SLC39A11: variants seen among roughly 807,000 people sequenced by gnomAD.
SLC39A11 encodes solute carrier family 39 member 11, also known as zinc transporter ZIP11.
Under a neutral mutation model 36.1 loss-of-function variants are expected in SLC39A11, and 33 were observed. The observed-to-expected ratio is 0.91, with a 90% CI of 0.69 to 1.22. The LOEUF is 1.22. SLC39A11 is among the 50% of genes most tolerant of loss of function. The pLI is 0.00. For missense variants in SLC39A11, 432 were observed against 430.3 expected (o/e 1.00, Z -0.03); for synonymous variants, 166 against 170.3 (o/e 0.97, Z 0.20).
chr17:72,709,619 T>A (rs530335944), intron 7 of SLC39A11, among the ~76,000 whole-genome samples: 89 of 152,296 alleles, frequency 5.8e-4, no homozygotes, highest in Admixed American at 1.2e-3. Context: ...ATGAAGGAAG[T>A]TTGTGTGTGT....
Position 72,729,430 on chromosome 17 carries a change from TA to T in SLC39A11, c.671+7219del, listed in dbSNP as rs2074090486. ...TTATATATATATATATATATATATA[TA>T]TATATATATATATATATATATATAT... On this transcript the variant is annotated intron_variant, in intron 7 of 9. Transcript: ENST00000255559. Among the ~76,000 whole-genome samples the T allele has an allele frequency of 5.4e-3, 17 of 3,176 alleles. 2 individuals are homozygous for T. The highest frequency in any genetic ancestry group is 7.7e-3 in the African/African-American group (8 of 1,040). The allele number at this position is 3,176 out of a possible 152,430, so 2.1% of individuals were successfully genotyped here. A position where few individuals can be genotyped will look rare whatever the true frequency, so the allele number is the denominator to read the frequency against.
chr17:72,950,681 C>T (rs561174592), intron 4 of SLC39A11, among the ~76,000 whole-genome samples: 123 of 152,204 alleles, frequency 8.1e-4, no homozygotes, highest in Non-Finnish European at 1.4e-3. Context: ...AAAGGAGAAC[C>T]ATTTCATTAC....
intron 3 of SLC39A11, among the ~76,000 whole-genome samples, chr17:73,079,327 C>A (rs1196779207): frequency 6.6e-6 from 1 of 152,078 alleles, no homozygotes; most frequent in Non-Finnish European, 1.5e-5. Context: ...AAACTTCTGA[C>A]CTTAGGTGAT....
chr17:73,084,339 A>T (rs1019209012), intron 3 of SLC39A11, among the ~76,000 whole-genome samples: 8 of 140,972 alleles, frequency 5.7e-5, no homozygotes, highest in African/African-American at 2.1e-4. Context: ...TGGGAGGCTG[A>T]GTTGGGAGGA....
intron 7 of SLC39A11, among the ~76,000 whole-genome samples, chr17:72,701,228 C>T (rs867465654): frequency 7.9e-5 from 12 of 152,296 alleles, no homozygotes; most frequent in African/African-American, 1.7e-4. Flanking sequence ...CCTGGAATTT[C>T]GCCTGAAGAG....
chr17:72,993,353 T>C (rs1011809636), intron 4 of SLC39A11, among the ~76,000 whole-genome samples: 2 of 152,238 alleles, frequency 1.3e-5, no homozygotes, highest in African/African-American at 4.8e-5. Context: ...AAAAAACAGA[T>C]GCCTGGGCTC....
At chr17:72,654,867 C>T (rs902894018) in intron 7 of SLC39A11, among the ~76,000 whole-genome samples, 2 of 152,228 alleles carry the variant, frequency 1.3e-5, no homozygotes, top group Admixed American at 6.5e-5. Flanking sequence ...AAGTCCTCGC[C>T]GTGACATAGC....
intron 4 of SLC39A11, among the ~76,000 whole-genome samples, chr17:73,003,347 T>C (rs2148412126): frequency 6.6e-6 from 1 of 152,306 alleles, no homozygotes; most frequent in East Asian, 1.9e-4. Flanking sequence ...TGCAAAGTAC[T>C]CATATGACAA....
intron 5 of SLC39A11, among the ~76,000 whole-genome samples, chr17:72,928,824 G>A (rs1165165106): frequency 6.6e-6 from 1 of 152,166 alleles, no homozygotes; most frequent in East Asian, 1.9e-4. Context: ...AAGGATCTTT[G>A]GACCCTGACA....
At chr17:72,750,568 C>T (rs2075117468) in intron 6 of SLC39A11, among the ~76,000 whole-genome samples, 1 of 151,828 alleles carries the variant, frequency 6.6e-6, no homozygotes, top group Non-Finnish European at 1.5e-5. Flanking sequence ...GCAGTTCCTT[C>T]AGGATGATGA....
At chr17:72,870,236 T>C (rs764176977) in intron 5 of SLC39A11, among the ~76,000 whole-genome samples, 7 of 152,202 alleles carry the variant, frequency 4.6e-5, no homozygotes, top group Non-Finnish European at 7.3e-5. Context: ...CTCTGGTTTC[T>C]ATGCCAATCC....
chr17:72,928,166 T>C (rs1167835408), intron 5 of SLC39A11, among the ~76,000 whole-genome samples: 1 of 152,212 alleles, frequency 6.6e-6, no homozygotes, highest in African/African-American at 2.4e-5. Flanking sequence ...AATAGCAGGA[T>C]GACTATTTGT....
At chr17:72,882,253 C>T (rs1011775539) in intron 5 of SLC39A11, among the ~76,000 whole-genome samples, 5 of 151,422 alleles carry the variant, frequency 3.3e-5, no homozygotes, top group South Asian at 2.1e-4. Flanking sequence ...CCACTCGGGA[C>T]GCTGACGCAG....
intron 5 of SLC39A11, among the ~76,000 whole-genome samples, chr17:72,931,297 C>A (rs890239505): frequency 6.6e-6 from 1 of 152,176 alleles, no homozygotes; most frequent in African/African-American, 2.4e-5. Flanking sequence ...TCGAGAAGTA[C>A]TGGTGGACTG....
chr17:72,665,896 C>T (rs2070735244), intron 7 of SLC39A11, among the ~76,000 whole-genome samples: 1 of 151,920 alleles, frequency 6.6e-6, no homozygotes, highest in South Asian at 2.1e-4. Flanking sequence ...GTTCTTTCTC[C>T]CACACCTGAC....
intron 5 of SLC39A11, among the ~76,000 whole-genome samples, chr17:72,882,360 TAAAAAAAAAA>T (rs11332921): frequency 5.5e-5 from 7 of 126,254 alleles, no homozygotes; most frequent in East Asian, 2.3e-4. Context: ...TTCCTATATC[TAAAAAAAAAA>T]AAAAAAAAAA....
intron 4 of SLC39A11, among the ~76,000 whole-genome samples, chr17:72,983,984 A>AG (rs1049738982): frequency 3.3e-5 from 5 of 152,128 alleles, no homozygotes; most frequent in Admixed American, 2.0e-4. Flanking sequence ...AGTGCTGTTC[A>AG]GGGGGGTGGC....
chr17:72,659,574 CTTTTTTTTTT>C (rs34383683), intron 7 of SLC39A11, among the ~76,000 whole-genome samples: 2 of 61,174 alleles, frequency 3.3e-5, no homozygotes, highest in East Asian at 6.2e-4. Flanking sequence ...CTCTGTGACT[CTTTTTTTTTT>C]TTTTTTTTTT....
chr17:72,888,396 C>T (rs1053888670), intron 5 of SLC39A11, among the ~76,000 whole-genome samples: 1 of 152,164 alleles, frequency 6.6e-6, no homozygotes, highest in African/African-American at 2.4e-5. Flanking sequence ...TCAAAAGAGC[C>T]TAAACACATG....
Sources: allele counts gnomAD v4.1 joint callset (sites outside exome capture counted in the v4.1 genomes callset), GRCh38; gene constraint gnomAD v4.1.1; transcripts MANE v1.5; gene names NCBI Gene and HGNC (gene_info 2026-07-23, HGNC 2026-07-21).